Variants in CDH22 observed in about 807,000 individuals in gnomAD.
CDH22 encodes cadherin 22, also known as cadherin-22.
A neutral mutation model predicts 58.4 loss-of-function variants in CDH22; 30 were observed. The ratio of observed to expected loss-of-function variants is 0.51; its 90% CI spans 0.38 to 0.70. The LOEUF (loss-of-function observed/expected upper bound fraction) is 0.70. Ranked by LOEUF, CDH22 falls within the 30% of genes least tolerant of loss-of-function variation. The pLI, the probability that CDH22 is intolerant of heterozygous loss-of-function variation, is 0.00. For missense variants in CDH22, 1,014 were observed against 1,233.9 expected, an observed-to-expected ratio of 0.82 and a Z score of 2.67; for synonymous variants, 513 against 558.2, an observed-to-expected ratio of 0.92 and a Z score of 1.14.
At position 46,178,586 on chromosome 20, in the gene CDH22, C is replaced by CTTTTT. The variant is rs33937889; in HGVS notation, c.1664-394_1664-390dup. The stretch of plus-strand genomic sequence containing the variant: ...GCCAAGGTCCTGTCCCTGGCGTTGT[C>CTTTTT]TTTTTTTTTTTTTTTTTTTTTGCCA... On this transcript the variant is annotated intron_variant, in intron 10 of 11. Transcript: ENST00000537909. Among the ~76,000 whole-genome samples the CTTTTT allele has an allele frequency of 2.0e-3, 191 of 95,322 alleles. 7 individuals carry two copies. Among genetic ancestry groups the CTTTTT allele is most frequent in the African/African-American group, 6.0e-3 (145 of 23,996 alleles). The allele number at this position is 95,322 out of a possible 152,430, so 62.5% of individuals were successfully genotyped here. A position where few individuals can be genotyped will look rare whatever the true frequency, so the allele number is the denominator to read the frequency against.
chr20:46,199,543 C>T lies in CDH22; in HGVS notation c.1303G>A (p.Glu435Lys), dbSNP rs2085938910. 2.5e-6 allele frequency: 4 copies of T among 1,613,816 alleles called. No homozygotes were observed. The East Asian group carries it at 6.7e-5, about 27-fold the overall frequency. ...TCGAAGATCTGGTCCAAATCTGATT[C>T]GCGGTCAATGGCGTACCTGCGGGGG... Reference protein sequence around the residue: ...NRPVRYAIDRESDLDQIFDID... With the variant: ...NRPVRYAIDRKSDLDQIFDID... The change falls in exon 8 of 12, where the codon GAA becomes AAA. Residue 435 changes from glutamate (E) to lysine (K), a missense_variant. Physicochemically the swap from Glu to Lys is moderately conservative, Grantham distance 56. This residue lies in a region of CDH22 where 806 missense variants were observed against 1,038.7 expected (regional missense o/e 0.78). Transcript: ENST00000537909.
At chr20:46,256,619 C>T (rs546715231) in intron 1 of CDH22, among the ~76,000 whole-genome samples, 61 of 152,266 alleles carry the variant, frequency 4.0e-4, no homozygotes, top group African/African-American at 1.4e-3. Flanking sequence ...TCAGAGCCTA[C>T]AGGCTCTCTT....
At chr20:46,286,530 T>A (rs1026631854) in intron 1 of CDH22, among the ~76,000 whole-genome samples, 14 of 152,172 alleles carry the variant, frequency 9.2e-5, no homozygotes, top group African/African-American at 2.9e-4. Context: ...AGCTTTTCAT[T>A]TCAGTGGCCG....
intron 2 of CDH22, among the ~76,000 whole-genome samples, chr20:46,248,499 CTTCTCT>C (rs2086347258): frequency 6.6e-6 from 1 of 152,186 alleles, no homozygotes; most frequent in African/African-American, 2.4e-5. Flanking sequence ...GGGTTGACCT[CTTCTCT>C]TTCTCTTTTG....
rs868334935 is a variant in CDH22 at position 46,300,254 on chromosome 20, G to A, written c.-400+8001C>T. Reference sequence around the variant, plus strand: ...GGGCTGCCTCTCCCAGGAACTCTCTGTTGTCCCTGAATACACAATTTCAGC... The same window carrying A: ...GGGCTGCCTCTCCCAGGAACTCTCTATTGTCCCTGAATACACAATTTCAGC... On this transcript the variant is annotated intron_variant, in intron 1 of 11. Coordinates refer to ENST00000537909, the MANE Select transcript of CDH22 (RefSeq NM_021248.3). The surrounding 1 kb of genome is among the most constrained non-coding windows in gnomAD (Gnocchi z 4.4). Among the ~76,000 whole-genome samples, 28 of 152,250 alleles carry A rather than the reference G, an allele frequency of 1.8e-4. No homozygotes were observed. The highest frequency in any genetic ancestry group is 6.3e-4 in the African/African-American group (26 of 41,540).
At chr20:46,199,199 C>T (rs928898579) in intron 8 of CDH22, among the ~76,000 whole-genome samples, 2 of 152,264 alleles carry the variant, frequency 1.3e-5, no homozygotes, top group Non-Finnish European at 2.9e-5. Flanking sequence ...TGCAACCCTG[C>T]TGGATCTTTG....
At position 46,300,866 on chromosome 20, in the gene CDH22, A is replaced by C. The variant is rs995193440; in HGVS notation, c.-400+7389T>G. Among the ~76,000 whole-genome samples, 3 of 152,202 alleles carry C rather than the reference A, an allele frequency of 2.0e-5. No homozygotes were observed. Among genetic ancestry groups the C allele is most frequent in the Admixed American group, 6.5e-5 (1 of 15,284 alleles). On this transcript the variant is annotated intron_variant, in intron 1 of 11. Transcript: ENST00000537909. The surrounding 1 kb of genome is among the most constrained non-coding windows in gnomAD (Gnocchi z 4.4). ...GGATGTTCATGGCAGAATTGTTTGT[A>C]ATAGCGAAGGACTGGAAACAACCCA...
At chr20:46,226,231 CCTT>C (rs74176857) in intron 4 of CDH22, among the ~76,000 whole-genome samples, 1,386 of 86,536 alleles carry the variant, frequency 0.016, 29 homozygotes, top group East Asian at 0.056. Context: ...TCTGGCAACA[CCTT>C]CTTCTTCTTC....
chr20:46,240,701 G>A (rs900390942), intron 3 of CDH22, among the ~76,000 whole-genome samples: 1 of 152,120 alleles, frequency 6.6e-6, no homozygotes, highest in Non-Finnish European at 1.5e-5. Context: ...GAGCATGTCC[G>A]AGGGCATCAC....
intron 3 of CDH22, among the ~76,000 whole-genome samples, chr20:46,240,032 C>G (rs541752339): frequency 6.6e-6 from 1 of 151,944 alleles, no homozygotes; most frequent in Non-Finnish European, 1.5e-5. Context: ...TGGGTGTGTG[C>G]AGTCATACCC....
intron 8 of CDH22, among the ~76,000 whole-genome samples, chr20:46,198,439 G>A (rs1008949269): frequency 1.3e-5 from 2 of 151,934 alleles, no homozygotes; most frequent in Non-Finnish European, 2.9e-5. Context: ...TCTATCTTCA[G>A]CCTGTATCCC....
chr20:46,200,397 G>A (rs928140365), intron 7 of CDH22, among the ~76,000 whole-genome samples: 3 of 150,724 alleles, frequency 2.0e-5, no homozygotes, highest in African/African-American at 4.9e-5. Flanking sequence ...GACTCACTGA[G>A]CCTCCCGAGT....
intron 7 of CDH22, among the ~76,000 whole-genome samples, chr20:46,205,854 C>A (rs553816248): frequency 6.6e-6 from 1 of 152,198 alleles, no homozygotes; most frequent in Non-Finnish European, 1.5e-5. Context: ...TGAACTTAAC[C>A]TCCTGGCTCC....
chr20:46,203,365 G>A (rs892174629), intron 7 of CDH22, among the ~76,000 whole-genome samples: 1 of 152,112 alleles, frequency 6.6e-6, no homozygotes, highest in Non-Finnish European at 1.5e-5. Context: ...TGCAGCTCAC[G>A]TGTAGTGCTC....
intron 10 of CDH22, among the ~76,000 whole-genome samples, chr20:46,184,193 G>C (rs894657850): frequency 1.3e-5 from 2 of 151,812 alleles, no homozygotes; most frequent in Non-Finnish European, 2.9e-5. Context: ...CCGCCTCCTG[G>C]GTTCAAGCAA....
intron 8 of CDH22, among the ~76,000 whole-genome samples, chr20:46,188,590 A>G (rs2085842723): frequency 6.6e-6 from 1 of 152,222 alleles, no homozygotes; most frequent in Non-Finnish European, 1.5e-5. Flanking sequence ...AACTGTGTGT[A>G]CAACACGTAG....
chr20:46,275,827 C>T (rs1354304564), intron 1 of CDH22, among the ~76,000 whole-genome samples: 1 of 151,880 alleles, frequency 6.6e-6, no homozygotes, highest in Admixed American at 6.6e-5. Context: ...TAGAGGGAAA[C>T]CCTCTTAGCC....
chr20:46,220,098 C>CA (rs1252841207), intron 4 of CDH22, among the ~76,000 whole-genome samples: 1 of 146,806 alleles, frequency 6.8e-6, no homozygotes, highest in Non-Finnish European at 1.5e-5. Flanking sequence ...AGGAAAGAGA[C>CA]AGAGAGGAAG....
At chr20:46,184,852 G>A (rs570726727) in intron 10 of CDH22, among the ~76,000 whole-genome samples, 91 of 152,264 alleles carry the variant, frequency 6.0e-4, no homozygotes, top group African/African-American at 2.0e-3. Context: ...TTGGTAGGCC[G>A]AGGCGGGCAG....
Sources: allele counts gnomAD v4.1 joint callset (sites outside exome capture counted in the v4.1 genomes callset), GRCh38; gene constraint gnomAD v4.1.1; regional missense constraint gnomAD v4.1.1; non-coding constraint Gnocchi (gnomAD v3.1); transcripts MANE v1.5; gene names NCBI Gene and HGNC (gene_info 2026-07-23, HGNC 2026-07-21).